The following SHTN1 variants were observed in gnomAD, a reference collection of about 807,000 sequenced individuals.
The protein encoded by SHTN1 is shootin-1.
In SHTN1, 42 loss-of-function variants were observed where a neutral mutation model predicts 83.1. The ratio of observed to expected loss-of-function variants is 0.51; its 90% CI spans 0.39 to 0.65. The LOEUF is 0.65. Ranked by LOEUF, SHTN1 falls within the 30% of genes least tolerant of loss-of-function variation. SHTN1 has a pLI of 0.00. For synonymous variants in SHTN1, 224 were observed against 247.7 expected (o/e 0.90, Z 0.90); for missense variants, 622 against 737.8 (o/e 0.84, Z 1.82).
At position 117,086,760 on chromosome 10, in the gene SHTN1, C is replaced by T. The variant is rs1310455337; in HGVS notation, c.-188-38250G>A. Among the ~76,000 whole-genome samples the T allele has an allele frequency of 2.0e-5, 3 of 151,996 alleles. No homozygotes were observed. In the East Asian group the frequency reaches 5.8e-4, roughly 29 times the overall value. Reference sequence around the variant, plus strand: ...GAAATTCCATTCCTAGGTGTATACCCGAAAGAATTGAAAACAGGGACTCAA... The same window carrying T: ...GAAATTCCATTCCTAGGTGTATACCTGAAAGAATTGAAAACAGGGACTCAA... On this transcript the variant is annotated intron_variant, in intron 1 of 17. Coordinates refer to the SHTN1 transcript ENST00000392901.
chr10:116,904,870 A>G (rs1847899307), intron 15 of SHTN1, among the ~76,000 whole-genome samples: 1 of 152,230 alleles, frequency 6.6e-6, no homozygotes, highest in African/African-American at 2.4e-5. Context: ...AATGTGAACG[A>G]CAGAGCACTA....
At chr10:117,111,962 TTTTG>T (rs1333455941) in intron 1 of SHTN1, among the ~76,000 whole-genome samples, 6 of 151,912 alleles carry the variant, frequency 3.9e-5, no homozygotes, top group Non-Finnish European at 7.4e-5. Flanking sequence ...GGTTTTTTTG[TTTTG>T]TTTTTGTTTT....
intron 8 of SHTN1, among the ~76,000 whole-genome samples, chr10:116,944,301 C>G (rs1849494190): frequency 6.6e-6 from 1 of 152,124 alleles, no homozygotes; most frequent in Non-Finnish European, 1.5e-5. Flanking sequence ...ATAGTTTATA[C>G]AACACTTTTT....
chr10:116,983,676 ATAGATAG>A lies in SHTN1; in HGVS notation c.59-4375_59-4369del, dbSNP rs1564913620. On this transcript the variant is annotated intron_variant, in intron 1 of 16. Transcript: ENST00000355371. Reference sequence around the variant, plus strand: ...GATAGATAGATAGATAGATAGATAGATAGATAGATAAATACATACATACATACATACA... The same window carrying A: ...GATAGATAGATAGATAGATAGATAGAATAAATACATACATACATACATACA... Among the ~76,000 whole-genome samples the A allele has an allele frequency of 2.4e-4, 15 of 63,108 alleles. No homozygotes were observed. The South Asian group carries it at 4.1e-3, about 17-fold the overall frequency. 41.4% of individuals were successfully genotyped at this position (63,108 alleles called of 152,430 possible).
At chr10:116,927,956 GA>G in intron 10 of SHTN1, 65 bp from the exon 11 acceptor site, 3 of 1,540,692 alleles carry the variant, frequency 1.9e-6, no homozygotes, top group Non-Finnish European at 2.6e-6. Flanking sequence ...TTATACATGT[GA>G]AAAAAAGAAC....
chr10:116,890,103 A>G (rs1232497318), intron 16 of SHTN1, among the ~76,000 whole-genome samples: 3 of 152,212 alleles, frequency 2.0e-5, no homozygotes, highest in African/African-American at 7.2e-5. Context: ...CCCAAGGTAG[A>G]AATCCCAGAA....
chr10:117,060,846 G>C (rs1411283745), intron 1 of SHTN1, among the ~76,000 whole-genome samples: 1 of 152,216 alleles, frequency 6.6e-6, no homozygotes, highest in African/African-American at 2.4e-5. Context: ...GGAAAAGCGA[G>C]AGGAAAGAAA....
At chr10:117,103,033 A>G (rs773811249) in intron 1 of SHTN1, among the ~76,000 whole-genome samples, 1 of 152,160 alleles carries the variant, frequency 6.6e-6, no homozygotes, top group Non-Finnish European at 1.5e-5. Context: ...ATAAAAACTG[A>G]GGCCTTGTCT....
At chr10:117,034,724 T>C (rs1336393180) in intron 2 of SHTN1, among the ~76,000 whole-genome samples, 2 of 151,598 alleles carry the variant, frequency 1.3e-5, no homozygotes, top group Non-Finnish European at 2.9e-5. Flanking sequence ...AAAAAAGTAA[T>C]CTCACATACA....
At chr10:117,002,325 C>T (rs545905904) in intron 1 of SHTN1, among the ~76,000 whole-genome samples, 13 of 152,206 alleles carry the variant, frequency 8.5e-5, no homozygotes, top group Non-Finnish European at 1.9e-4. Context: ...TCACTATTTA[C>T]ACCCCTAGTG....
At chr10:117,072,841 A>G (rs1853103443) in intron 1 of SHTN1, among the ~76,000 whole-genome samples, 2 of 152,200 alleles carry the variant, frequency 1.3e-5, no homozygotes, top group African/African-American at 4.8e-5. Context: ...CTCACGAGCA[A>G]TGGATCCAAA....
At chr10:117,001,678 T>G (rs1851826101) in intron 1 of SHTN1, among the ~76,000 whole-genome samples, 1 of 152,134 alleles carries the variant, frequency 6.6e-6, no homozygotes, top group Admixed American at 6.5e-5. Context: ...GATAGCAAAG[T>G]AGGGTGACTA....
chr10:116,914,908 T>C (rs987089360), intron 13 of SHTN1, among the ~76,000 whole-genome samples: 23 of 152,166 alleles, frequency 1.5e-4, no homozygotes, highest in Non-Finnish European at 2.9e-4. Context: ...TTCCCCAGAG[T>C]TGTCCTAGTT....
chr10:117,031,248 T>C (rs1011528371), intron 2 of SHTN1, among the ~76,000 whole-genome samples: 1 of 152,114 alleles, frequency 6.6e-6, no homozygotes, highest in African/African-American at 2.4e-5. Flanking sequence ...GAATAGTATA[T>C]CCAGTAAAAA....
chr10:116,976,951 G>A (rs1307873074), intron 2 of SHTN1, among the ~76,000 whole-genome samples: 1 of 152,190 alleles, frequency 6.6e-6, no homozygotes, highest in East Asian at 1.9e-4. Context: ...CAGATGTCAT[G>A]AAAGTATTAG....
intron 1 of SHTN1, among the ~76,000 whole-genome samples, chr10:117,095,086 C>T (rs1300109644): frequency 6.6e-6 from 1 of 152,144 alleles, no homozygotes; most frequent in Non-Finnish European, 1.5e-5. Flanking sequence ...TTGTGTAAAC[C>T]GTCAATCTCT....
intron 7 of SHTN1, among the ~76,000 whole-genome samples, chr10:116,946,946 C>T (rs1849616524): frequency 6.6e-6 from 1 of 151,938 alleles, no homozygotes. Context: ...GTCTCAAACT[C>T]CTGATCTCAA....
At chr10:116,949,045 C>G in intron 6 of SHTN1, 48 bp from the exon 7 acceptor site, 1 of 1,467,532 alleles carries the variant, frequency 6.8e-7, no homozygotes, top group East Asian at 2.5e-5. Context: ...AATTGTAAAA[C>G]AGGACATATG....
chr10:116,915,623 A>C, intron 12 of SHTN1, 139 bp from the exon 13 acceptor site: 1 of 584,790 alleles, frequency 1.7e-6, no homozygotes, highest in Non-Finnish European at 3.0e-6. Flanking sequence ...CTAAAAATTT[A>C]CTAGTTAACA....
Sources: gnomAD v4.1 joint callset for allele counts (sites outside exome capture counted in the v4.1 genomes callset) on GRCh38, gnomAD v4.1.1 for gene constraint, MANE v1.5 for transcripts, NCBI Gene and HGNC (gene_info 2026-07-23, HGNC 2026-07-21) for gene names.